The following ZBTB39 variants were observed in gnomAD, a reference collection of about 807,000 sequenced individuals.
ZBTB39 encodes zinc finger and BTB domain containing 39.
Under a neutral mutation model 39.4 loss-of-function variants are expected in ZBTB39, and 25 were observed. That is an observed-to-expected ratio of 0.63 (90% confidence interval 0.46 to 0.89). The LOEUF is 0.89. Ranked by LOEUF, ZBTB39 falls within the 40% of genes least tolerant of loss-of-function variation. The pLI is 0.00. For synonymous variants in ZBTB39, 373 were observed against 359.6 expected (o/e 1.04, Z -0.42); for missense variants, 891 against 909.7 (o/e 0.98, Z 0.26).
In ZBTB39 at chr12:56,999,273, T is replaced by G. The variant is rs543280396; in HGVS notation, c.*3506A>C. The G allele has an allele frequency of 6.6e-6, 1 of 152,142 alleles. No individual in the cohort carries two copies. The highest frequency in any genetic ancestry group is 6.5e-5 in the Admixed American group (1 of 15,270). 9.4% of individuals were successfully genotyped at this position (152,142 alleles called of 1,614,324 possible). Reference sequence around the variant, plus strand: ...TCCCAGATGGGTGCAGACCACCCCATAGAGCCCACTCCCATACCAATAAAT... The same window carrying G: ...TCCCAGATGGGTGCAGACCACCCCAGAGAGCCCACTCCCATACCAATAAAT... On this transcript the variant is annotated 3_prime_UTR_variant, in exon 2 of 2. Transcript: ENST00000300101.
Position 57,003,633 on chromosome 12 carries a change from T to C in ZBTB39, c.1285A>G (p.Ile429Val). 1 of 1,614,138 alleles carries C rather than the reference T, an allele frequency of 6.2e-7. No homozygotes were observed. Among genetic ancestry groups the C allele is most frequent in the Non-Finnish European group, 8.5e-7 (1 of 1,180,024 alleles). The change falls in exon 2 of 2, where the codon ATT becomes GTT. Residue 429 changes from isoleucine (I) to valine (V), a missense_variant. By Grantham distance (29) the Ile-to-Val change is conservative (BLOSUM62 3). Transcript: ENST00000300101. This position sits in a 1 kb window ranked among gnomAD's most constrained non-coding sequence, Gnocchi z 4.8. Reference protein sequence around the residue: ...RRDGIFENNIIVHPNDPLPGK... With the variant: ...RRDGIFENNIVVHPNDPLPGK... ...GGCAGGGGATCGTTGGGGTGGACAA[T>C]GATGTTGTTCTCAAATATTCCATCC...
rs772006879 is a variant in ZBTB39, at chr12:57,002,899, A to C, written c.2019T>G (p.Leu673=). The C allele has an allele frequency of 1.2e-6, 2 of 1,614,172 alleles. No homozygotes were observed. Among genetic ancestry groups the C allele is most frequent in the South Asian group, 2.2e-5 (2 of 91,084 alleles). ...CACCAACATGTTTGCTCATGAGGTT[A>C]AGGGTGGAACTGTAGTGCCCACAGA... is the stretch of plus-strand genomic sequence containing the variant. ...CTVCGHYSST[L]NLMSKHVGVH... The change falls in exon 2 of 2, where the codon CTT becomes CTG. Residue 673 remains leucine, a synonymous_variant. Coordinates refer to ENST00000300101, the MANE Select transcript of ZBTB39 (RefSeq NM_014830.3).
Position 56,999,945 on chromosome 12 carries a change from C to T in ZBTB39, c.*2834G>A, listed in dbSNP as rs1956200678. The T allele has an allele frequency of 6.6e-6, 1 of 152,174 alleles. No homozygotes were observed. The highest frequency in any genetic ancestry group is 2.4e-5 in the African/African-American group (1 of 41,428). 9.4% of individuals were successfully genotyped at this position (152,174 alleles called of 1,614,324 possible). ...GCTTAAACAGAACTTCAGAGTAACA[C>T]AGAAGAGAGTAGTAAACTAGGTTCC... On this transcript the variant is annotated 3_prime_UTR_variant, in exon 2 of 2. Coordinates refer to ENST00000300101, the MANE Select transcript of ZBTB39 (RefSeq NM_014830.3).
Position 57,003,351 on chromosome 12 carries a change from G to T in ZBTB39, c.1567C>A (p.Leu523Ile). 6.2e-7 allele frequency: 1 copy of T among 1,613,954 alleles called. No homozygotes were observed. Among genetic ancestry groups the T allele is most frequent in the South Asian group, 1.1e-5 (1 of 91,020 alleles). ...CANSFVDWHL[L>I]EKHMAVHQSL... ...TGGTGCACAGCCATGTGCTTCTCTA[G>T]AAGATGCCAGTCCACAAAGCTGTTC... Residue 523 changes from leucine (L) to isoleucine (I), a missense_variant, in exon 2 of 2, where the codon CTA becomes ATA. Leu to Ile is a conservative substitution (Grantham distance 5, BLOSUM62 2). Coordinates refer to ENST00000300101, the MANE Select transcript of ZBTB39 (RefSeq NM_014830.3). The surrounding 1 kb of genome is among the most constrained non-coding windows in gnomAD (Gnocchi z 4.8).
rs368344619 is a variant in ZBTB39, at chr12:57,003,373, G to A, written c.1545C>T (p.Asn515=). The part of the protein sequence containing the change: ...ISVFSCSVCA[N]SFVDWHLLEK... ...CTAGAAGATGCCAGTCCACAAAGCT[G>A]TTCGCACAGACAGAACAGGAGAAGA... is the stretch of plus-strand genomic sequence containing the variant. The change falls in exon 2 of 2, where the codon AAC becomes AAT. Residue 515 remains asparagine, a synonymous_variant. Coordinates refer to ENST00000300101, the MANE Select transcript of ZBTB39 (RefSeq NM_014830.3). This position sits in a 1 kb window ranked among gnomAD's most constrained non-coding sequence, Gnocchi z 4.8. The A allele has an allele frequency of 2.7e-5, 43 of 1,613,982 alleles. No homozygotes were observed. Among genetic ancestry groups the A allele is most frequent in the Admixed American group, 5.0e-5 (3 of 59,994 alleles).
Position 57,003,638 on chromosome 12 carries a change from T to C in ZBTB39, c.1280A>G (p.Asn427Ser), listed in dbSNP as rs941855121. 2 of 1,614,214 alleles carry C rather than the reference T, an allele frequency of 1.2e-6. No homozygotes were observed. The highest frequency in any genetic ancestry group is 1.7e-6 in the Non-Finnish European group (2 of 1,180,034). Residue 427 changes from asparagine to serine, a missense_variant, in exon 2 of 2, where the codon AAC becomes AGC. Asn to Ser is a conservative substitution (Grantham distance 46). Transcript: ENST00000300101. This position sits in a 1 kb window ranked among gnomAD's most constrained non-coding sequence, Gnocchi z 4.8. ...GGGATCGTTGGGGTGGACAATGATGTTGTTCTCAAATATTCCATCCCGTCG... is the reference window on the plus strand; with the variant it reads ...GGGATCGTTGGGGTGGACAATGATGCTGTTCTCAAATATTCCATCCCGTCG... ...LHRRDGIFENNIIVHPNDPLP... is the reference protein window; with the variant it reads ...LHRRDGIFENSIIVHPNDPLP...
In ZBTB39 at chr12:57,003,551, C is replaced by T. The variant is rs140878567; in HGVS notation, c.1367G>A (p.Cys456Tyr). The change falls in exon 2 of 2, where the codon TGT (cysteine) becomes TAT (tyrosine). Residue 456 changes from cysteine (C) to tyrosine (Y), a missense_variant. Coordinates refer to ENST00000300101, the MANE Select transcript of ZBTB39 (RefSeq NM_014830.3). The surrounding 1 kb of genome is among the most constrained non-coding windows in gnomAD (Gnocchi z 4.8). ...AASPELKCAA[C>Y]GKVLAKDFHV... ...GAAATCTTTGGCCAATACTTTCCCA[C>T]AGGCAGCGCATTTCAGCTCTGGGGA... 1 of 1,614,038 alleles carries T rather than the reference C, an allele frequency of 6.2e-7. No individual in the cohort carries two copies. Among genetic ancestry groups the T allele is most frequent in the Non-Finnish European group, 8.5e-7 (1 of 1,179,990 alleles).
chr12:57,003,225 C>T lies in ZBTB39; in HGVS notation c.1693G>A (p.Gly565Ser). ...YHVSQHKCNS[G>S]LDARPGFGLQ... Reference sequence around the variant, plus strand: ...CCAAAACCAGGCCGTGCATCAAGGCCACTGTTGCATTTGTGCTGGCTGACG... The same window carrying T: ...CCAAAACCAGGCCGTGCATCAAGGCTACTGTTGCATTTGTGCTGGCTGACG... The change falls in exon 2 of 2, where the codon GGC becomes AGC. Residue 565 changes from glycine to serine, a missense_variant. Gly to Ser is a moderately conservative substitution (Grantham distance 56). Coordinates refer to ENST00000300101, the MANE Select transcript of ZBTB39 (RefSeq NM_014830.3). This position sits in a 1 kb window ranked among gnomAD's most constrained non-coding sequence, Gnocchi z 4.8. 3 of 1,614,220 alleles carry T rather than the reference C, an allele frequency of 1.9e-6. No homozygotes were observed. Among genetic ancestry groups the T allele is most frequent in the Non-Finnish European group, 2.5e-6 (3 of 1,180,036 alleles).
rs756266169 is a variant in ZBTB39 at position 57,002,820 on chromosome 12, T to C, written c.2098A>G (p.Ile700Val). 3 of 1,614,080 alleles carry C rather than the reference T, an allele frequency of 1.9e-6. No individual in the cohort carries two copies. The highest frequency in any genetic ancestry group is 1.7e-6 in the Non-Finnish European group (2 of 1,180,046). Residue 700 changes from isoleucine to valine, a missense_variant, in exon 2 of 2, where the codon ATC (isoleucine) becomes GTC (valine). Ile to Val is a conservative substitution (Grantham distance 29, BLOSUM62 3). Transcript: ENST00000300101. The part of the protein sequence containing the change: ...DFTIEQTFMY[I>V]IHSKEADKNP... ...TTATCCGCCTCTTTGGAATGGATGATGTACATGAAGGTCTGCTCGATGGTG... is the reference window on the plus strand; with the variant it reads ...TTATCCGCCTCTTTGGAATGGATGACGTACATGAAGGTCTGCTCGATGGTG...
chr12:57,003,677 T>G lies in ZBTB39; in HGVS notation c.1241A>C (p.Gln414Pro), dbSNP rs1956225636. The G allele has an allele frequency of 6.2e-7, 1 of 1,614,062 alleles. No individual in the cohort carries two copies. Among genetic ancestry groups the G allele is most frequent in the Non-Finnish European group, 8.5e-7 (1 of 1,180,046 alleles). Residue 414 changes from glutamine (Q) to proline (P), a missense_variant, in exon 2 of 2, where the codon CAG becomes CCG. By Grantham distance (76) the Gln-to-Pro change is moderately conservative. Transcript: ENST00000300101. The surrounding 1 kb of genome is among the most constrained non-coding windows in gnomAD (Gnocchi z 4.8). The part of the protein sequence containing the change: ...MCETKFFTQW[Q>P]LTLHRRDGIF... ...TCCATCCCGTCGGTGAAGGGTCAGC[T>G]GCCACTGGGTAAAGAACTTAGTTTC... is the stretch of plus-strand genomic sequence containing the variant.
chr12:57,005,158 A>C (rs1464794486), intron 1 of ZBTB39, among the ~76,000 whole-genome samples, 197 bp from the exon 2 acceptor site: 1 of 152,122 alleles, frequency 6.6e-6, no homozygotes, highest in Non-Finnish European at 1.5e-5. Flanking sequence ...TATGACAAAA[A>C]CCAAAACGAC....
chr12:57,004,614 T>C lies in ZBTB39; in HGVS notation c.304A>G (p.Ile102Val). 6.2e-7 allele frequency: 1 copy of C among 1,614,226 alleles called. No homozygotes were observed. Among genetic ancestry groups the C allele is most frequent in the Non-Finnish European group, 8.5e-7 (1 of 1,180,046 alleles). The change falls in exon 2 of 2, where the codon ATC becomes GTC. Residue 102 changes from isoleucine (I) to valine (V), a missense_variant. Physicochemically the swap from Ile to Val is conservative, Grantham distance 29. Transcript: ENST00000300101. Reference sequence around the variant, plus strand: ...CCCAGACGCTCAGCTACCTCGTAGATGACCCCAACATTGATCAGGTCTGTG... The same window carrying C: ...CCCAGACGCTCAGCTACCTCGTAGACGACCCCAACATTGATCAGGTCTGTG... ...LFTDLINVGV[I>V]YEVAERLGME... is the part of the protein sequence containing the mutation.
rs1246893412 is a variant in ZBTB39, at chr12:57,006,466, CCGT to C, written c.-109_-107del. The C allele has an allele frequency of 2.0e-5, 3 of 149,432 alleles. No individual in the cohort carries two copies. Among genetic ancestry groups the C allele is most frequent in the Non-Finnish European group, 4.5e-5 (3 of 66,940 alleles). 9.3% of individuals were successfully genotyped at this position (149,432 alleles called of 1,614,324 possible). On this transcript the variant is annotated 5_prime_UTR_variant, in exon 1 of 2. Transcript: ENST00000300101. ...CGCTTCACACAAAGGCCCCGGCCCGCCGTGCCCGGCCCGACGAGGAGGCGGCGC... is the reference window on the plus strand; with the variant it reads ...CGCTTCACACAAAGGCCCCGGCCCGCGCCCGGCCCGACGAGGAGGCGGCGC...
Position 57,002,872 on chromosome 12 carries a change from C to T in ZBTB39, c.2046G>A (p.Val682=). Residue 682 remains valine (V), a synonymous_variant, in exon 2 of 2, where the codon GTG becomes GTA. Transcript: ENST00000300101. ...TLNLMSKHVG[V]HKGSLPPDFT... is the part of the protein sequence containing the mutation. Reference sequence around the variant, plus strand: ...AGTCAGGGGGGAGGCTGCCTTTGTGCACACCAACATGTTTGCTCATGAGGT... The same window carrying T: ...AGTCAGGGGGGAGGCTGCCTTTGTGTACACCAACATGTTTGCTCATGAGGT... 3 of 1,614,170 alleles carry T rather than the reference C, an allele frequency of 1.9e-6. No individual in the cohort carries two copies. Among genetic ancestry groups the T allele is most frequent in the Non-Finnish European group, 2.5e-6 (3 of 1,180,036 alleles).
rs1956223935 is a variant in ZBTB39 at position 57,003,524 on chromosome 12, T to C, written c.1394A>G (p.His465Arg). 1 of 1,614,044 alleles carries C rather than the reference T, an allele frequency of 6.2e-7. No individual in the cohort carries two copies. Among genetic ancestry groups the C allele is most frequent in the East Asian group, 2.2e-5 (1 of 44,870 alleles). Residue 465 changes from histidine (H) to arginine (R), a missense_variant, in exon 2 of 2, where the codon CAT (histidine) becomes CGT (arginine). By Grantham distance (29) the His-to-Arg change is conservative. Transcript: ENST00000300101. This position sits in a 1 kb window ranked among gnomAD's most constrained non-coding sequence, Gnocchi z 4.8. ...GTCAAGGATGTGGCCCCGGACCACA[T>C]GGAAATCTTTGGCCAATACTTTCCC... is the stretch of plus-strand genomic sequence containing the variant. ...ACGKVLAKDF[H>R]VVRGHILDHL...
rs1222105563 is a variant in ZBTB39 at position 56,998,959 on chromosome 12, T to G, written c.*3820A>C. ...TTTGGGGAAAAAAGTTTACAAAATATACAAAACTTTACAGCAATAGATAGT... is the reference window on the plus strand; with the variant it reads ...TTTGGGGAAAAAAGTTTACAAAATAGACAAAACTTTACAGCAATAGATAGT... On this transcript the variant is annotated 3_prime_UTR_variant, in exon 2 of 2. Transcript: ENST00000300101. The G allele has an allele frequency of 6.6e-6, 1 of 152,616 alleles. No homozygotes were observed. The highest frequency in any genetic ancestry group is 2.4e-5 in the African/African-American group (1 of 41,458). 9.5% of individuals were successfully genotyped at this position (152,616 alleles called of 1,614,324 possible).
rs752543133 is a variant in ZBTB39 at position 57,003,408 on chromosome 12, C to T, written c.1510G>A (p.Gly504Ser). The change falls in exon 2 of 2, where the codon GGC becomes AGC. Residue 504 changes from glycine (G) to serine (S), a missense_variant. Transcript: ENST00000300101. This position sits in a 1 kb window ranked among gnomAD's most constrained non-coding sequence, Gnocchi z 4.8. ...ACAGAACAGGAGAAGACTGAGATGCCGAGATGGGACAGCGTGTGCCACATG... is the reference window on the plus strand; with the variant it reads ...ACAGAACAGGAGAAGACTGAGATGCTGAGATGGGACAGCGTGTGCCACATG... ...SLMWHTLSHL[G>S]ISVFSCSVCA... The T allele has an allele frequency of 6.2e-6, 10 of 1,614,056 alleles. No homozygotes were observed. Among genetic ancestry groups the T allele is most frequent in the African/African-American group, 2.7e-5 (2 of 74,920 alleles).
Position 57,003,163 on chromosome 12 carries a change from T to C in ZBTB39, c.1755A>G (p.Pro585=). ...QHPALQKRKL[P]AEEFLGEELA... The stretch of plus-strand genomic sequence containing the variant: ...GCTCTTCACCCAGAAACTCCTCTGC[T>C]GGCAGCTTCCGCTTCTGGAGAGCTG... Residue 585 remains proline, a synonymous_variant, in exon 2 of 2, where the codon CCA becomes CCG. Transcript: ENST00000300101. This position sits in a 1 kb window ranked among gnomAD's most constrained non-coding sequence, Gnocchi z 4.8. The C allele has an allele frequency of 6.2e-7, 1 of 1,614,160 alleles. No homozygotes were observed. Among genetic ancestry groups the C allele is most frequent in the African/African-American group, 1.3e-5 (1 of 75,072 alleles).
At position 57,004,046 on chromosome 12, in the gene ZBTB39, A is replaced by C; in HGVS notation, c.872T>G (p.Met291Arg). Residue 291 changes from methionine (M) to arginine (R), a missense_variant, in exon 2 of 2, where the codon ATG becomes AGG. Transcript: ENST00000300101. ...CAGGTCCTCGAGCTGGAGCTCATCC[A>C]TCTGCCCAAAGCCAGGATCTTTGGA... Reference protein sequence around the residue: ...EHSKDPGFGQMDELQLEDLGD... With the variant: ...EHSKDPGFGQRDELQLEDLGD... 2 of 1,614,238 alleles carry C rather than the reference A, an allele frequency of 1.2e-6. No individual in the cohort carries two copies. Among genetic ancestry groups the C allele is most frequent in the Non-Finnish European group, 1.7e-6 (2 of 1,180,046 alleles).
Sources: gnomAD v4.1 joint callset for allele counts (sites outside exome capture counted in the v4.1 genomes callset) on GRCh38, gnomAD v4.1.1 for gene constraint, Gnocchi (gnomAD v3.1) non-coding constraint, MANE v1.5 for transcripts, NCBI Gene and HGNC (gene_info 2026-07-23, HGNC 2026-07-21) for gene names.